Variants in IHO1 observed in about 807,000 individuals in gnomAD.
IHO1 encodes interactor of HORMAD1 protein 1.
A neutral mutation model predicts 31.0 loss-of-function variants in IHO1; 13 were observed. The observed-to-expected ratio is 0.42, with a 90% CI of 0.27 to 0.67. The LOEUF (loss-of-function observed/expected upper bound fraction) is 0.67, where lower values mean the gene tolerates loss of function less well. Among genes scored for constraint, IHO1 ranks in the 30% least tolerant of loss-of-function variants. IHO1 has a pLI of 0.24. For synonymous variants in IHO1, 221 were observed against 248.4 expected (o/e 0.89, Z 1.04); for missense variants, 599 against 687.5 (o/e 0.87, Z 1.44).
At position 49,255,281 on chromosome 3, in the gene IHO1, G is replaced by A. The variant is rs922922739; in HGVS notation, c.533-109G>A. On this transcript the variant is annotated intron_variant, in intron 6 of 7. Coordinates refer to ENST00000452691, the MANE Select transcript of IHO1 (RefSeq NM_001135197.2). Reference sequence around the variant, plus strand: ...AAGGAGAGCCTGGAGGAACCACTCCGGTCTGCATCCAGCTCCTCCCTTTTC... The same window carrying A: ...AAGGAGAGCCTGGAGGAACCACTCCAGTCTGCATCCAGCTCCTCCCTTTTC... 50 of 703,152 alleles carry A rather than the reference G, an allele frequency of 7.1e-5. No individual in the cohort carries two copies. The Admixed American group carries it at 8.9e-4, about 13-fold the overall frequency. The allele number at this position is 703,152 out of a possible 1,614,324, so 43.6% of individuals were successfully genotyped here. A position where few individuals can be genotyped will look rare whatever the true frequency, so the allele number is the denominator to read the frequency against.
At chr3:49,220,945 G>A (rs1320281315) in intron 2 of IHO1, among the ~76,000 whole-genome samples, 1 of 152,214 alleles carries the variant, frequency 6.6e-6, no homozygotes, top group Admixed American at 6.5e-5. Context: ...ATGTGGAAGG[G>A]GACCCGAACG....
intron 2 of IHO1, 22 bp from the exon 3 acceptor site, chr3:49,236,526 A>T (rs776765398): frequency 1.3e-6 from 2 of 1,547,966 alleles, no homozygotes; most frequent in Non-Finnish European, 1.8e-6. Flanking sequence ...TATTTGATAC[A>T]CTTTTTTTTG....
chr3:49,218,247 A>C (rs1429474296), intron 2 of IHO1, among the ~76,000 whole-genome samples: 2 of 151,818 alleles, frequency 1.3e-5, no homozygotes. Flanking sequence ...GTCTGCAAAG[A>C]AGGACAGCTC....
intron 2 of IHO1, chr3:49,213,916 C>T (rs1382815411): frequency 2.6e-6 from 1 of 378,376 alleles, no homozygotes; most frequent in Admixed American, 2.6e-5. Flanking sequence ...AAGGGCTCCT[C>T]AAGCATGGCC....
intron 1 of IHO1, among the ~76,000 whole-genome samples, chr3:49,207,031 G>A (rs992283492): frequency 7.7e-6 from 1 of 130,120 alleles, no homozygotes; most frequent in African/African-American, 2.9e-5. Context: ...CTGGGTGACA[G>A]AGCAAGACTC....
At chr3:49,218,439 G>A (rs2046315585) in intron 2 of IHO1, among the ~76,000 whole-genome samples, 1 of 145,616 alleles carries the variant, frequency 6.9e-6, no homozygotes, top group East Asian at 2.0e-4. Flanking sequence ...GGAGTGCAGT[G>A]GATGCAATCT....
intron 2 of IHO1, among the ~76,000 whole-genome samples, chr3:49,222,898 T>G (rs953444856): frequency 6.6e-6 from 1 of 152,134 alleles, no homozygotes; most frequent in Admixed American, 6.6e-5. Flanking sequence ...ATTCCACTCC[T>G]GCCACCTTAA....
intron 6 of IHO1, 126 bp from the exon 7 acceptor site, chr3:49,255,264 C>A: frequency 1.7e-6 from 1 of 592,360 alleles, no homozygotes; most frequent in Non-Finnish European, 2.9e-6. Context: ...GGAAGGAGAG[C>A]CTGGAGGAAC....
At position 49,236,534 on chromosome 3, in the gene IHO1, T is replaced by G. The variant is rs748388667; in HGVS notation, c.57-14T>G. ...ATTTGTCTATTTGATACACTTTTTTTTGCTAAATTTCAGGAACAAGAAGTC... is the reference window on the plus strand; with the variant it reads ...ATTTGTCTATTTGATACACTTTTTTGTGCTAAATTTCAGGAACAAGAAGTC... On this transcript the variant is annotated splice_polypyrimidine_tract_variant and intron_variant, in intron 2 of 7. Transcript: ENST00000452691. 6.3e-7 allele frequency: 1 copy of G among 1,578,786 alleles called. No individual in the cohort carries two copies. The highest frequency in any genetic ancestry group is 1.3e-5 in the African/African-American group (1 of 74,230).
intron 1 of IHO1, among the ~76,000 whole-genome samples, chr3:49,202,685 T>C (rs955685794): frequency 3.3e-5 from 5 of 151,448 alleles, no homozygotes; most frequent in African/African-American, 9.7e-5. Context: ...CAATTATTTT[T>C]ATTTTTTTCA....
chr3:49,200,658 ATTCCTTGCATGCACTCAACT>A (rs1198551928), intron 1 of IHO1: 7 of 705,126 alleles, frequency 9.9e-6, no homozygotes, highest in Non-Finnish European at 1.2e-5. Context: ...ATATAGTTCC[ATTCCTTGCATGCACTCAACT>A]TTTTCTCCCC....
intron 2 of IHO1, among the ~76,000 whole-genome samples, chr3:49,234,162 G>GTTTTTTTTTTTT (rs56802492): frequency 1.4e-3 from 131 of 91,894 alleles, no homozygotes; most frequent in East Asian, 1.9e-3. Context: ...TTTTGTTGTT[G>GTTTTTTTTTTTT]TTTTTTTTTT....
chr3:49,194,895 CAAAT>C (rs1185644386), upstream of IHO1, among the ~76,000 whole-genome samples: 5 of 151,512 alleles, frequency 3.3e-5, no homozygotes, highest in African/African-American at 9.7e-5. Context: ...GACCCCGTCT[CAAAT>C]AAATAAATAA....
Position 49,256,458 on chromosome 3 carries a change from T to C in IHO1, c.961T>C (p.Trp321Arg). The change falls in exon 8 of 8, where the codon TGG becomes CGG. Residue 321 changes from tryptophan to arginine, a missense_variant. Transcript: ENST00000452691. This position sits in a 1 kb window ranked among gnomAD's most constrained non-coding sequence, Gnocchi z 4.6. ...CCTACAGCCTGGAGAATTTGATGTC[T>C]GGGGTGAAGGAGCAAAGAATGATGA... is the stretch of plus-strand genomic sequence containing the variant. Reference protein sequence around the residue: ...GSLQPGEFDVWGEGAKNDDLQ... With the variant: ...GSLQPGEFDVRGEGAKNDDLQ... 1 of 1,614,148 alleles carries C rather than the reference T, an allele frequency of 6.2e-7. No individual in the cohort carries two copies. Among genetic ancestry groups the C allele is most frequent in the African/African-American group, 1.3e-5 (1 of 75,032 alleles).
In IHO1 at chr3:49,256,862, G is replaced by A. The variant is rs140975114; in HGVS notation, c.1365G>A (p.Arg455=). Residue 455 remains arginine (R), a synonymous_variant, in exon 8 of 8, where the codon AGG becomes AGA. Transcript: ENST00000452691. This position sits in a 1 kb window ranked among gnomAD's most constrained non-coding sequence, Gnocchi z 4.6. ...AGGCCCACAGGGCCCACAGAGGCAG[G>A]CTCATAGCCAGCAAGCAAAAACAAA... ...PRKAHRAHRG[R]LIASKQKQIP... 4 of 1,614,108 alleles carry A rather than the reference G, an allele frequency of 2.5e-6. No individual in the cohort carries two copies. The highest frequency in any genetic ancestry group is 3.4e-6 in the Non-Finnish European group (4 of 1,180,054).
rs1362558566 is a variant in IHO1, at chr3:49,256,118, C to T, written c.637-16C>T. On this transcript the variant is annotated splice_polypyrimidine_tract_variant and intron_variant, in intron 7 of 7. Coordinates refer to ENST00000452691, the MANE Select transcript of IHO1 (RefSeq NM_001135197.2). The surrounding 1 kb of genome is among the most constrained non-coding windows in gnomAD (Gnocchi z 4.6). ...GCACTGTCCATCACTGTCTTTCTCACTGCCTCTCTCCCCAGAGACAAGGAG... is the reference window on the plus strand; with the variant it reads ...GCACTGTCCATCACTGTCTTTCTCATTGCCTCTCTCCCCAGAGACAAGGAG... 6.3e-7 allele frequency: 1 copy of T among 1,584,882 alleles called. No homozygotes were observed. Among genetic ancestry groups the T allele is most frequent in the Admixed American group, 1.8e-5 (1 of 56,660 alleles).
intron 2 of IHO1, among the ~76,000 whole-genome samples, chr3:49,220,476 G>C (rs1414859672): frequency 6.6e-6 from 1 of 152,174 alleles, no homozygotes; most frequent in Non-Finnish European, 1.5e-5. Context: ...CAGATGTTAA[G>C]ATGTGTCTGG....
chr3:49,200,326 G>T (rs1252601541), intron 1 of IHO1, among the ~76,000 whole-genome samples: 1 of 151,752 alleles, frequency 6.6e-6, no homozygotes, highest in Admixed American at 6.6e-5. Context: ...TTAGCAGGGC[G>T]TGGTGGCGCA....
upstream of IHO1, among the ~76,000 whole-genome samples, chr3:49,196,186 G>A (rs1469280385): frequency 7.5e-6 from 1 of 132,958 alleles, no homozygotes; most frequent in Admixed American, 7.8e-5. Flanking sequence ...AGCCAAGATC[G>A]CACCACTGCA....
Sources: allele counts gnomAD v4.1 joint callset (sites outside exome capture counted in the v4.1 genomes callset), GRCh38; gene constraint gnomAD v4.1.1; non-coding constraint Gnocchi (gnomAD v3.1); transcripts MANE v1.5; gene names NCBI Gene and HGNC (gene_info 2026-07-23, HGNC 2026-07-21).